GPC5: variants seen among roughly 807,000 people sequenced by gnomAD.
GPC5 encodes the protein glypican 5, also known as glypican-5.
Under a neutral mutation model 53.9 loss-of-function variants are expected in GPC5, and 47 were observed. That is an observed-to-expected ratio of 0.87 (90% CI 0.69 to 1.11). GPC5 has a LOEUF of 1.11. GPC5 is among the 50% of genes most tolerant of loss of function. The pLI is 0.00. For missense variants in GPC5, 748 were observed against 713.1 expected (o/e 1.05, Z -0.56); for synonymous variants, 286 against 263.3 (o/e 1.09, Z -0.84).
chr13:91,857,579 T>A (rs560705770), intron 5 of GPC5, among the ~76,000 whole-genome samples: 1 of 150,528 alleles, frequency 6.6e-6, no homozygotes, highest in Admixed American at 6.6e-5. Context: ...TTTCTATGGC[T>A]GTTTTTTTTT....
intron 7 of GPC5, among the ~76,000 whole-genome samples, chr13:92,779,908 A>T (rs1170800151): frequency 6.6e-6 from 1 of 152,160 alleles, no homozygotes; most frequent in Non-Finnish European, 1.5e-5. Flanking sequence ...GCAAATGGTA[A>T]GCTTAATTTC....
intron 7 of GPC5, among the ~76,000 whole-genome samples, chr13:92,669,159 G>T (rs1027960913): frequency 6.6e-6 from 1 of 151,998 alleles, no homozygotes; most frequent in Admixed American, 6.6e-5. Flanking sequence ...ATATAATTTT[G>T]TATATATGCA....
intron 7 of GPC5, among the ~76,000 whole-genome samples, chr13:92,724,913 A>ACACACAC (rs1566386562): frequency 6.0e-4 from 53 of 88,962 alleles, no homozygotes; most frequent in African/African-American, 1.4e-3. Flanking sequence ...CACACACACA[A>ACACACAC]GAAAGAAAAA....
intron 6 of GPC5, among the ~76,000 whole-genome samples, chr13:92,120,065 A>T (rs2138942698): frequency 6.6e-6 from 1 of 152,328 alleles, no homozygotes; most frequent in South Asian, 2.1e-4. Context: ...CTAATCAGAC[A>T]GTAAATGCAG....
chr13:92,557,341 G>A (rs1882531493), intron 7 of GPC5, among the ~76,000 whole-genome samples: 1 of 151,916 alleles, frequency 6.6e-6, no homozygotes, highest in South Asian at 2.1e-4. Flanking sequence ...AGATTCTTTA[G>A]TAGGAGTTTG....
At chr13:91,616,580 T>C (rs1304310560) in intron 2 of GPC5, among the ~76,000 whole-genome samples, 1 of 152,182 alleles carries the variant, frequency 6.6e-6, no homozygotes, top group Non-Finnish European at 1.5e-5. Context: ...TTTTCCCTGC[T>C]GAATTTAATT....
intron 7 of GPC5, among the ~76,000 whole-genome samples, chr13:92,530,811 C>A (rs1881538342): frequency 1.3e-5 from 2 of 152,152 alleles, no homozygotes; most frequent in Admixed American, 1.3e-4. Flanking sequence ...CCTACTGCTA[C>A]CTTATTTCAG....
chr13:91,525,797 C>A (rs1057119219), intron 2 of GPC5, among the ~76,000 whole-genome samples: 1 of 152,086 alleles, frequency 6.6e-6, no homozygotes, highest in Non-Finnish European at 1.5e-5. Flanking sequence ...TCGCACTTAG[C>A]AGTTATCATA....
chr13:92,752,519 C>T (rs1353988539), intron 7 of GPC5, among the ~76,000 whole-genome samples: 1 of 152,156 alleles, frequency 6.6e-6, no homozygotes, highest in Non-Finnish European at 1.5e-5. Context: ...CTCCGGTCTA[C>T]AGCTCCCAGC....
At chr13:92,430,179 A>G (rs1877023415) in intron 7 of GPC5, among the ~76,000 whole-genome samples, 1 of 152,126 alleles carries the variant, frequency 6.6e-6, no homozygotes, top group Non-Finnish European at 1.5e-5. Context: ...GATACTTTCC[A>G]TCTTGCTCAT....
chr13:92,109,943 A>G (rs1434290318), intron 6 of GPC5, among the ~76,000 whole-genome samples: 1 of 152,178 alleles, frequency 6.6e-6, no homozygotes, highest in Non-Finnish European at 1.5e-5. Context: ...AGAAACTTAC[A>G]AAACAGTGGC....
At chr13:91,414,344 G>A (rs143770833) in intron 1 of GPC5, among the ~76,000 whole-genome samples, 115 of 152,272 alleles carry the variant, frequency 7.6e-4, no homozygotes, top group African/African-American at 2.6e-3. Flanking sequence ...TTTGCCTTCC[G>A]CAATGATTGC....
In GPC5 at chr13:92,109,045, A is replaced by G. The variant is rs114735594; in HGVS notation, c.1402-35785A>G. On this transcript the variant is annotated intron_variant, in intron 6 of 7. Coordinates refer to ENST00000377067, the MANE Select transcript of GPC5 (RefSeq NM_004466.6). ...TGTTTTCTTGTAGCGCCTTCTATGT[A>G]TGTATCAATATGTTGGTTTTTTTTT... 5.6e-3 allele frequency among the ~76,000 whole-genome samples: 762 copies of G among 135,886 alleles called. 13 individuals are homozygous for G. Among genetic ancestry groups the G allele is most frequent in the African/African-American group, 0.018 (675 of 37,394 alleles). The allele number at this position is 135,886 out of a possible 152,430, so 89.1% of individuals were successfully genotyped here.
intron 6 of GPC5, among the ~76,000 whole-genome samples, chr13:91,935,250 T>C (rs889805748): frequency 5.3e-5 from 8 of 151,970 alleles, no homozygotes; most frequent in African/African-American, 1.9e-4. Context: ...GTGGGACATA[T>C]GGTATTATGG....
At chr13:91,834,382 T>C (rs905102801) in intron 5 of GPC5, among the ~76,000 whole-genome samples, 6 of 152,064 alleles carry the variant, frequency 3.9e-5, no homozygotes, top group Non-Finnish European at 7.4e-5. Context: ...CTTCACAGAA[T>C]TGGAAAAAAC....
intron 6 of GPC5, among the ~76,000 whole-genome samples, chr13:91,982,245 A>G (rs531088948): frequency 6.6e-6 from 1 of 152,344 alleles, no homozygotes; most frequent in African/African-American, 2.4e-5. Flanking sequence ...AATATCCATA[A>G]CAACAGAAAA....
chr13:92,031,891 T>TAACA (rs1423831241), intron 6 of GPC5, among the ~76,000 whole-genome samples: 1 of 98,336 alleles, frequency 1.0e-5, no homozygotes, highest in South Asian at 2.8e-4. Context: ...ATTTTATATA[T>TAACA]TATATTTTAT....
intron 2 of GPC5, among the ~76,000 whole-genome samples, chr13:91,600,229 T>A (rs1566542087): frequency 6.6e-6 from 1 of 152,160 alleles, no homozygotes; most frequent in Non-Finnish European, 1.5e-5. Flanking sequence ...CCTACTTTTT[T>A]ATAATTAAAT....
chr13:92,757,808 C>A (rs970392862), intron 7 of GPC5, among the ~76,000 whole-genome samples: 22 of 152,076 alleles, frequency 1.4e-4, no homozygotes, highest in Non-Finnish European at 2.9e-4. Flanking sequence ...GTTAGAATGG[C>A]AATCATTATA....
Sources: gnomAD v4.1 joint callset for allele counts (sites outside exome capture counted in the v4.1 genomes callset) on GRCh38, gnomAD v4.1.1 for gene constraint, MANE v1.5 for transcripts, NCBI Gene and HGNC (gene_info 2026-07-23, HGNC 2026-07-21) for gene names.